The following PCSK5 variants were observed in gnomAD, a reference collection of about 807,000 sequenced individuals.
PCSK5 encodes the protein proprotein convertase subtilisin/kexin type 5.
Under a neutral mutation model 233.2 loss-of-function variants are expected in PCSK5, and 129 were observed. That is an observed-to-expected ratio of 0.55 (90% CI 0.48 to 0.64). PCSK5 has a LOEUF of 0.64. Ranked by LOEUF, PCSK5 falls within the 30% of genes least tolerant of loss-of-function variation. The pLI is 0.00. For missense variants in PCSK5, 2,076 were observed against 2,430.1 expected (o/e 0.85, Z 3.06); for synonymous variants, 825 against 879.2 (o/e 0.94, Z 1.09).
At chr9:76,355,507 A>G (rs193254010) in intron 37 of PCSK5, among the ~76,000 whole-genome samples, 36 of 152,174 alleles carry the variant, frequency 2.4e-4, no homozygotes, top group Admixed American at 9.2e-4. Flanking sequence ...AAAGAAACAT[A>G]TATTCTTAAA....
intron 27 of PCSK5, among the ~76,000 whole-genome samples, chr9:76,298,435 G>T (rs1053075236): frequency 6.6e-6 from 1 of 152,170 alleles, no homozygotes; most frequent in African/African-American, 2.4e-5. Flanking sequence ...CAACGACAGA[G>T]CTGTACTTTC....
chr9:75,932,504 G>A (rs1457546443), intron 2 of PCSK5, 21 bp downstream of exon 2: 2 of 1,420,024 alleles, frequency 1.4e-6, no homozygotes, highest in South Asian at 1.1e-5. Context: ...CCAGTTGCGT[G>A]GGGACCAAGA....
At chr9:76,163,202 ATTGT>A (rs1822943535) in intron 12 of PCSK5, among the ~76,000 whole-genome samples, 1 of 152,226 alleles carries the variant, frequency 6.6e-6, no homozygotes, top group African/African-American at 2.4e-5. Flanking sequence ...TTTCTTCAGA[ATTGT>A]TTATCTCCTC....
intron 37 of PCSK5, among the ~76,000 whole-genome samples, chr9:76,356,020 T>C (rs1047795959): frequency 1.6e-4 from 24 of 152,152 alleles, no homozygotes; most frequent in Admixed American, 1.3e-4. Flanking sequence ...GCATTTTCAA[T>C]TGGGTTTTAA....
intron 7 of PCSK5, among the ~76,000 whole-genome samples, chr9:76,087,803 G>A (rs752585404): frequency 2.2e-4 from 34 of 152,216 alleles, no homozygotes; most frequent in Non-Finnish European, 4.4e-4. Flanking sequence ...ATCATAATAC[G>A]GACTACCTGG....
At chr9:76,296,213 C>T (rs958459228) in intron 26 of PCSK5, among the ~76,000 whole-genome samples, 7 of 152,194 alleles carry the variant, frequency 4.6e-5, no homozygotes, top group East Asian at 1.9e-4. Flanking sequence ...GATCCACCCA[C>T]CTCAGCCTCC....
chr9:76,096,111 CAT>C lies in PCSK5; in HGVS notation c.1107+10_1107+11del. Reference sequence around the variant, plus strand: ...CCTACGATAAGAAAATCGTACGTGACATGTGCATGCCCATCATGATCTGTTTA... The same window carrying C: ...CCTACGATAAGAAAATCGTACGTGACGTGCATGCCCATCATGATCTGTTTA... On this transcript the variant is annotated intron_variant, in intron 8 of 37. Coordinates refer to ENST00000674117, the MANE Select transcript of PCSK5 (RefSeq NM_001372043.1). 6.3e-7 allele frequency: 1 copy of C among 1,586,348 alleles called. No individual in the cohort carries two copies. Among genetic ancestry groups the C allele is most frequent in the South Asian group, 1.1e-5 (1 of 90,450 alleles).
At chr9:75,952,637 G>A (rs190349389) in intron 2 of PCSK5, among the ~76,000 whole-genome samples, 1 of 152,126 alleles carries the variant, frequency 6.6e-6, no homozygotes. Flanking sequence ...CTTGCCCCTA[G>A]CTTCCTGCCA....
At chr9:75,924,955 A>G (rs1429777051) in intron 1 of PCSK5, among the ~76,000 whole-genome samples, 1 of 152,164 alleles carries the variant, frequency 6.6e-6, no homozygotes. Flanking sequence ...GACTAGGGAT[A>G]ATGATAACCT....
intron 34 of PCSK5, among the ~76,000 whole-genome samples, chr9:76,335,739 A>G (rs1430661487): frequency 2.6e-5 from 4 of 152,222 alleles, no homozygotes; most frequent in Non-Finnish European, 1.5e-5. Flanking sequence ...TTTCATCTTT[A>G]TAACAATCTA....
At chr9:76,261,948 C>T (rs941655534) in intron 24 of PCSK5, among the ~76,000 whole-genome samples, 56 of 152,302 alleles carry the variant, frequency 3.7e-4, no homozygotes, top group Non-Finnish European at 6.5e-4. Context: ...ATGTCATCTG[C>T]AAACAGGGAC....
At chr9:76,100,458 T>C (rs1831709583) in intron 8 of PCSK5, among the ~76,000 whole-genome samples, 1 of 152,240 alleles carries the variant, frequency 6.6e-6, no homozygotes, top group Non-Finnish European at 1.5e-5. Flanking sequence ...TGCAGAAAGA[T>C]CATGGTGTCC....
rs542316585 is a variant in PCSK5, at chr9:76,164,701, A to T, written c.1620-5003A>T. On this transcript the variant is annotated intron_variant, in intron 12 of 37. Coordinates refer to ENST00000674117, the MANE Select transcript of PCSK5 (RefSeq NM_001372043.1). ...ATTTAAAAGATCATCCAGCTTTTTCATACACATTCTTATTACTTTTGTGTC... is the reference window on the plus strand; with the variant it reads ...ATTTAAAAGATCATCCAGCTTTTTCTTACACATTCTTATTACTTTTGTGTC... Among the ~76,000 whole-genome samples the T allele has an allele frequency of 2.0e-4, 30 of 152,304 alleles. No individual in the cohort carries two copies. The South Asian group carries it at 6.0e-3, about 30-fold the overall frequency.
At chr9:75,964,148 C>T (rs2131349693) in intron 2 of PCSK5, among the ~76,000 whole-genome samples, 1 of 152,198 alleles carries the variant, frequency 6.6e-6, no homozygotes, top group East Asian at 1.9e-4. Flanking sequence ...ACACTTTCTG[C>T]TGCATCGTTT....
At chr9:76,074,195 G>A (rs1004838564) in intron 7 of PCSK5, among the ~76,000 whole-genome samples, 5 of 152,148 alleles carry the variant, frequency 3.3e-5, no homozygotes, top group African/African-American at 1.2e-4. Context: ...ATATACCTCT[G>A]CACATTACTA....
At chr9:75,921,467 A>G (rs760896095) in intron 1 of PCSK5, among the ~76,000 whole-genome samples, 8 of 152,238 alleles carry the variant, frequency 5.3e-5, no homozygotes, top group Non-Finnish European at 1.0e-4. Context: ...CTATGTGGCA[A>G]TGCTTCCGGT....
rs1564128263 is a variant in PCSK5, at chr9:76,238,977, A to T, written c.2885A>T (p.His962Leu). The T allele has an allele frequency of 1.2e-6, 2 of 1,612,148 alleles. No individual in the cohort carries two copies. Among genetic ancestry groups the T allele is most frequent in the Admixed American group, 3.3e-5 (2 of 59,950 alleles). The change falls in exon 23 of 38, where the codon CAC becomes CTC. Residue 962 changes from histidine (H) to leucine (L), a missense_variant. Coordinates refer to ENST00000674117, the MANE Select transcript of PCSK5 (RefSeq NM_001372043.1). ...SCGADNYGRE[H>L]FLYQGECGDS... ...TGATCAGACAACTATGGCCGAGAGC[A>T]CTTCCTGTACCAGGGAGAGTGTGGA...
chr9:76,111,199 GT>G (rs1832200918), intron 9 of PCSK5, among the ~76,000 whole-genome samples: 1 of 152,196 alleles, frequency 6.6e-6, no homozygotes, highest in African/African-American at 2.4e-5. Flanking sequence ...TCTACAGAAT[GT>G]ATAAGAATAT....
intron 24 of PCSK5, among the ~76,000 whole-genome samples, chr9:76,258,089 C>T (rs1156348939): frequency 6.6e-6 from 1 of 152,158 alleles, no homozygotes; most frequent in Non-Finnish European, 1.5e-5. Context: ...ACTGGGAGAA[C>T]AGTCCCCACT....
Sources: allele counts gnomAD v4.1 joint callset (sites outside exome capture counted in the v4.1 genomes callset), GRCh38; gene constraint gnomAD v4.1.1; transcripts MANE v1.5; gene names NCBI Gene and HGNC (gene_info 2026-07-23, HGNC 2026-07-21).